The following ZNF143 variants were observed in gnomAD, a reference collection of about 807,000 sequenced individuals.
ZNF143 encodes SPH-binding factor.
A neutral mutation model predicts 74.1 loss-of-function variants in ZNF143; 49 were observed. That is an observed-to-expected ratio of 0.66 (90% confidence interval 0.53 to 0.84). ZNF143 has a LOEUF of 0.84. Ranked by LOEUF, ZNF143 falls within the 40% of genes least tolerant of loss-of-function variation. ZNF143 has a pLI of 0.00. For missense variants in ZNF143, 637 were observed against 793.4 expected, an observed-to-expected ratio of 0.80 and a Z score of 2.37; for synonymous variants, 304 against 282.8, an observed-to-expected ratio of 1.07 and a Z score of -0.75.
At chr11:9,462,802 G>C (rs1166687636) in intron 1 of ZNF143, among the ~76,000 whole-genome samples, 1 of 152,128 alleles carries the variant, frequency 6.6e-6, no homozygotes, top group African/African-American at 2.4e-5. Context: ...TTGAACCCAG[G>C]AGGCGGAGGT....
intron 2 of ZNF143, among the ~76,000 whole-genome samples, chr11:9,472,218 T>C (rs1408152720): frequency 6.6e-6 from 1 of 152,092 alleles, no homozygotes; most frequent in Admixed American, 6.6e-5. Context: ...CATGAGCCAT[T>C]GTTCCCAGCC....
chr11:9,497,794 C>T lies in ZNF143; in HGVS notation c.961C>T (p.His321Tyr). Residue 321 changes from histidine to tyrosine, a missense_variant, in exon 10 of 16, where the codon CAT becomes TAT. Physicochemically the swap from His to Tyr is moderately conservative, Grantham distance 83. This residue lies in a region of ZNF143 where 344 missense variants were observed against 485.6 expected (regional missense o/e 0.71). Transcript: ENST00000396602. The part of the protein sequence containing the change: ...SGDLQKHIRT[H>Y]TGERPFKCPF... ...AGATCTACAGAAACACATCAGAACT[C>T]ATACAGGTACTAGTGGAAACAGAGT... is the stretch of plus-strand genomic sequence containing the variant. 1 of 1,460,320 alleles carries T rather than the reference C, an allele frequency of 6.8e-7. No individual in the cohort carries two copies. The highest frequency in any genetic ancestry group is 9.4e-7 in the Non-Finnish European group (1 of 1,058,268). The allele number at this position is 1,460,320 out of a possible 1,614,324, so 90.5% of individuals were successfully genotyped here.
At chr11:9,496,238 T>A in intron 8 of ZNF143, 65 bp from the exon 9 acceptor site, 1 of 1,439,466 alleles carries the variant, frequency 6.9e-7, no homozygotes, top group Non-Finnish European at 9.8e-7. Context: ...AGTAGTTCTG[T>A]GTTGCAACCA....
intron 12 of ZNF143, among the ~76,000 whole-genome samples, chr11:9,512,171 T>A (rs1848574521): frequency 6.6e-6 from 1 of 152,176 alleles, no homozygotes; most frequent in African/African-American, 2.4e-5. Flanking sequence ...TAGTATCAAG[T>A]AATTACTCCA....
Position 9,516,343 on chromosome 11 carries a change from A to G in ZNF143, c.1667A>G (p.Glu556Gly). 6.2e-7 allele frequency: 1 copy of G among 1,612,912 alleles called. No homozygotes were observed. The highest frequency in any genetic ancestry group is 2.2e-5 in the East Asian group (1 of 44,866). Residue 556 changes from glutamate to glycine, a missense_variant, in exon 14 of 16, where the codon GAG (glutamate) becomes GGG (glycine). Around this residue, in one of 2 missense-constraint regions of ZNF143, gnomAD observed 344 missense variants for 485.6 expected, o/e 0.71. Coordinates refer to ENST00000396602, the MANE Select transcript of ZNF143 (RefSeq NM_003442.6). ...CACTCTGTTGCTATGGTTACTGCTG[A>G]GGGTACAGAAGGGGAACAGGTAATT... is the stretch of plus-strand genomic sequence containing the variant. ...GTHSVAMVTA[E>G]GTEGEQVAIV...
chr11:9,486,412 A>AATATATATATAATATATATTAT (rs112739510), intron 7 of ZNF143, among the ~76,000 whole-genome samples: 1 of 19,326 alleles, frequency 5.2e-5, no homozygotes, highest in Non-Finnish European at 1.0e-4. Flanking sequence ...TTATATATAT[A>AATATATATATAATATATATTAT]ATATATATTA....
chr11:9,495,945 C>A (rs756731138), intron 8 of ZNF143, among the ~76,000 whole-genome samples: 1 of 151,986 alleles, frequency 6.6e-6, no homozygotes, highest in African/African-American at 2.4e-5. Flanking sequence ...AGATCCAGGC[C>A]CCTCTAGCAG....
intron 11 of ZNF143, among the ~76,000 whole-genome samples, chr11:9,502,335 C>A (rs1204042943): frequency 7.8e-6 from 1 of 128,992 alleles, no homozygotes; most frequent in Admixed American, 9.0e-5. Context: ...ATGGGCCGGG[C>A]GCGGTGGCTC....
At chr11:9,482,924 T>C (rs939130956) in intron 7 of ZNF143, among the ~76,000 whole-genome samples, 4 of 151,550 alleles carry the variant, frequency 2.6e-5, no homozygotes, top group Non-Finnish European at 5.9e-5. Context: ...ATAATTACTA[T>C]TAATTTCACC....
intron 7 of ZNF143, among the ~76,000 whole-genome samples, chr11:9,482,159 G>A (rs1847267066): frequency 6.9e-6 from 1 of 144,918 alleles, no homozygotes; most frequent in Admixed American, 7.0e-5. Context: ...TTTAGTAGAG[G>A]CAGGGTTTCA....
chr11:9,525,119 C>A, intron 14 of ZNF143, 121 bp from the exon 15 acceptor site: 1 of 1,153,008 alleles, frequency 8.7e-7, no homozygotes, highest in Non-Finnish European at 1.2e-6. Context: ...TTTGACAAGT[C>A]TATGGTCAGA....
chr11:9,505,647 C>G (rs1443229709), intron 11 of ZNF143, among the ~76,000 whole-genome samples: 1 of 151,710 alleles, frequency 6.6e-6, no homozygotes, highest in Admixed American at 6.6e-5. Context: ...TGGGGAAGGT[C>G]AAGGTGAGCA....
At chr11:9,489,103 C>T (rs1208215007) in intron 7 of ZNF143, among the ~76,000 whole-genome samples, 2 of 152,218 alleles carry the variant, frequency 1.3e-5, no homozygotes, top group South Asian at 2.1e-4. Context: ...TAGGTCATTG[C>T]TATTTTTGTA....
In ZNF143 at chr11:9,471,392, G is replaced by A. The variant is rs767817330; in HGVS notation, c.84G>A (p.Leu28=). Residue 28 remains leucine (L), a synonymous_variant, in exon 2 of 16, where the codon CTG becomes CTA. Transcript: ENST00000396602. ...GGGMEAQHVT[L]CLTEAVTVAD... Reference sequence around the variant, plus strand: ...GGATGGAGGCGCAACATGTTACGCTGTGCTTGACAGAGGCAGTCACCGTGG... The same window carrying A: ...GGATGGAGGCGCAACATGTTACGCTATGCTTGACAGAGGCAGTCACCGTGG... 6.2e-7 allele frequency: 1 copy of A among 1,610,182 alleles called. No homozygotes were observed. Among genetic ancestry groups the A allele is most frequent in the South Asian group, 1.1e-5 (1 of 90,004 alleles).
At chr11:9,494,845 C>T in intron 8 of ZNF143, 80 bp downstream of exon 8, 1 of 1,403,712 alleles carries the variant, frequency 7.1e-7, no homozygotes, top group Middle Eastern at 2.5e-4. Flanking sequence ...TTGTGTAATT[C>T]AAATGCCACT....
chr11:9,476,744 A>ATTTTT (rs1465968655), intron 5 of ZNF143, among the ~76,000 whole-genome samples: 75 of 45,972 alleles, frequency 1.6e-3, no homozygotes, highest in Non-Finnish European at 2.7e-3. Context: ...AAAGGGAGGA[A>ATTTTT]TCTTTTTTTT....
chr11:9,527,128 C>T (rs1251685302), intron 15 of ZNF143, among the ~76,000 whole-genome samples: 1 of 152,008 alleles, frequency 6.6e-6, no homozygotes, highest in East Asian at 1.9e-4. Context: ...CCACCGCGCC[C>T]AGCCAATTTT....
chr11:9,471,207 T>C, intron 1 of ZNF143, 95 bp from the exon 2 acceptor site: 1 of 1,035,026 alleles, frequency 9.7e-7, no homozygotes, highest in Non-Finnish European at 1.4e-6. Context: ...CACCATTACA[T>C]CCTCAGCAGC....
At chr11:9,467,581 C>T (rs577141444) in intron 1 of ZNF143, among the ~76,000 whole-genome samples, 1 of 152,108 alleles carries the variant, frequency 6.6e-6, no homozygotes, top group Non-Finnish European at 1.5e-5. Context: ...GGCGCAATGG[C>T]TCGTGCCTTT....
Sources: gnomAD v4.1 joint callset for allele counts (sites outside exome capture counted in the v4.1 genomes callset) on GRCh38, gnomAD v4.1.1 for gene constraint, gnomAD v4.1.1 regional missense constraint, MANE v1.5 for transcripts, NCBI Gene and HGNC (gene_info 2026-07-23, HGNC 2026-07-21) for gene names.